The following LDLRAP1 variants were observed in gnomAD, a reference collection of about 807,000 sequenced individuals.
LDLRAP1 encodes the protein low density lipoprotein receptor adapter protein 1.
LDLRAP1 carries 30 observed loss-of-function variants against 37.8 expected under a neutral mutation model. That is an observed-to-expected ratio of 0.79 (90% CI 0.59 to 1.08). The LOEUF is 1.08. LDLRAP1 is among the 50% of genes least tolerant of loss of function. The pLI, the probability that LDLRAP1 is intolerant of heterozygous loss-of-function variation, is 0.00. For missense variants in LDLRAP1, 375 were observed against 401.6 expected, an observed-to-expected ratio of 0.93 and a Z score of 0.57; for synonymous variants, 156 against 169.8, an observed-to-expected ratio of 0.92 and a Z score of 0.63.
At chr1:25,559,663 G>T (rs1192612059) in intron 4 of LDLRAP1, among the ~76,000 whole-genome samples, 1 of 152,216 alleles carries the variant, frequency 6.6e-6, no homozygotes, top group East Asian at 1.9e-4. Context: ...GCGCAGCCCA[G>T]CATGGTGTAA....
chr1:25,560,100 C>A lies in LDLRAP1; in HGVS notation c.460-2544C>A, dbSNP rs188803452. ...GGGGTGGTGGGTGGGGAGTGCACAC[C>A]AGCATGGGATTAACACACGTGCAAA... On this transcript the variant is annotated intron_variant, in intron 4 of 8. Transcript: ENST00000374338. Among the ~76,000 whole-genome samples, 919 of 152,198 alleles carry A rather than the reference C, an allele frequency of 6.0e-3. 10 individuals are homozygous for A. Among genetic ancestry groups the A allele is most frequent in the Non-Finnish European group, 8.8e-3 (599 of 67,988 alleles).
chr1:25,563,152 C>T lies in LDLRAP1; in HGVS notation c.615C>T (p.Ser205=). The T allele has an allele frequency of 6.2e-7, 1 of 1,613,670 alleles. No individual in the cohort carries two copies. The highest frequency in any genetic ancestry group is 8.5e-7 in the Non-Finnish European group (1 of 1,179,604). ...AAGACTGCACCCCCTCCTTGAAGAG[C>T]TGTGAGTCCTGACGGGGAAGGGGGA... ...ARQDCTPSLK[S]LVATGNLLDL... The change falls in exon 6 of 9, where the codon AGC becomes AGT. Residue 205 remains serine, a splice_region_variant and synonymous_variant. Transcript: ENST00000374338.
chr1:25,580,755 T>G, the LDLRAP1 span, among the ~76,000 whole-genome samples: 3 of 152,180 alleles, frequency 2.0e-5, no homozygotes, highest in East Asian at 5.8e-4. Context: ...CAAGCAGTCC[T>G]CCTGCCTTGG....
At chr1:25,560,917 C>T (rs2044327886) in intron 4 of LDLRAP1, among the ~76,000 whole-genome samples, 1 of 152,274 alleles carries the variant, frequency 6.6e-6, no homozygotes, top group Non-Finnish European at 1.5e-5. Flanking sequence ...GCCCACCCCA[C>T]TCCCAGTCCC....
intron 1 of LDLRAP1, among the ~76,000 whole-genome samples, chr1:25,548,142 T>C (rs548423194): frequency 1.3e-5 from 2 of 152,266 alleles, no homozygotes; most frequent in South Asian, 4.2e-4. Context: ...ATCTGTGAAA[T>C]GGGAACACTG....
chr1:25,586,249 C>T, the LDLRAP1 span, among the ~76,000 whole-genome samples: 6 of 152,094 alleles, frequency 3.9e-5, no homozygotes, highest in Middle Eastern at 3.4e-3. This position sits in a 1 kb window ranked among gnomAD's most constrained non-coding sequence, Gnocchi z 4.3. Context: ...AGAGAAAGCG[C>T]GACCAAGAAC....
At chr1:25,561,916 G>A (rs1009216704) in intron 4 of LDLRAP1, among the ~76,000 whole-genome samples, 1 of 152,106 alleles carries the variant, frequency 6.6e-6, no homozygotes, top group African/African-American at 2.4e-5. Flanking sequence ...AGGTGGGTGG[G>A]GCTCGAGGAG....
intron 1 of LDLRAP1, 55 bp from the exon 2 acceptor site, chr1:25,553,867 G>A: frequency 6.2e-7 from 1 of 1,603,826 alleles, no homozygotes; most frequent in South Asian, 1.1e-5. Flanking sequence ...GAGAGCTGTT[G>A]CTGGTGGTGG....
intron 1 of LDLRAP1, among the ~76,000 whole-genome samples, chr1:25,546,519 G>A (rs2043937516): frequency 6.6e-6 from 1 of 152,176 alleles, no homozygotes; most frequent in Admixed American, 6.5e-5. Flanking sequence ...CCCCTGGGGA[G>A]ACATCAATAT....
chr1:25,548,335 CTTTTTTTTTTTTTT>C (rs144789866), intron 1 of LDLRAP1, among the ~76,000 whole-genome samples: 49 of 82,316 alleles, frequency 6.0e-4, no homozygotes, highest in Non-Finnish European at 9.1e-4. Flanking sequence ...GATGGATACT[CTTTTTTTTTTTTTT>C]TTTTTTTTTT....
At chr1:25,580,561 G>C in the LDLRAP1 span, among the ~76,000 whole-genome samples, 11,325 of 152,242 alleles carry the variant, frequency 0.074, 588 homozygotes, top group Non-Finnish European at 0.12. Context: ...AGGCTGAAGT[G>C]CGGTGGCACA....
chr1:25,574,014 G>C, the LDLRAP1 span, among the ~76,000 whole-genome samples: 40 of 152,252 alleles, frequency 2.6e-4, no homozygotes, highest in Non-Finnish European at 4.3e-4. Context: ...AAAGGAAAAA[G>C]GGCGGTGGGG....
At position 25,557,143 on chromosome 1, in the gene LDLRAP1, T is replaced by C. The variant is rs2044220891; in HGVS notation, c.345-10T>C. The C allele has an allele frequency of 6.2e-7, 1 of 1,608,254 alleles. No homozygotes were observed. Among genetic ancestry groups the C allele is most frequent in the African/African-American group, 1.3e-5 (1 of 74,836 alleles). The stretch of plus-strand genomic sequence containing the variant: ...GCCAGGTCTGGTGATGCTTCCTCCT[T>C]GCCTTTCAGGATCTCCTATTGCACA... On this transcript the variant is annotated splice_polypyrimidine_tract_variant and intron_variant, in intron 3 of 8. Transcript: ENST00000374338.
Position 25,555,063 on chromosome 1 carries a change from C to T in LDLRAP1, c.344+91C>T. ...TGAATCCAGGCTCTACCACTTCCTACCTGGGTGACATTGGAGCCTCAGTTT... is the reference window on the plus strand; with the variant it reads ...TGAATCCAGGCTCTACCACTTCCTATCTGGGTGACATTGGAGCCTCAGTTT... On this transcript the variant is annotated intron_variant, in intron 3 of 8. Coordinates refer to ENST00000374338, the MANE Select transcript of LDLRAP1 (RefSeq NM_015627.3). The surrounding 1 kb of genome is among the most constrained non-coding windows in gnomAD (Gnocchi z 4.7). 1 of 922,168 alleles carries T rather than the reference C, an allele frequency of 1.1e-6. No individual in the cohort carries two copies. Among genetic ancestry groups the T allele is most frequent in the Non-Finnish European group, 1.8e-6 (1 of 564,880 alleles). 57.1% of individuals were successfully genotyped at this position (922,168 alleles called of 1,614,324 possible).
intron 8 of LDLRAP1, among the ~76,000 whole-genome samples, chr1:25,566,157 C>T (rs1402088351): frequency 2.0e-5 from 3 of 152,166 alleles, no homozygotes; most frequent in Non-Finnish European, 4.4e-5. Flanking sequence ...ATCAGCAAAG[C>T]ATTAAACAGA....
At chr1:25,562,546 G>C in intron 4 of LDLRAP1, 98 bp from the exon 5 acceptor site, 1 of 988,244 alleles carries the variant, frequency 1.0e-6, no homozygotes, top group Non-Finnish European at 1.6e-6. Flanking sequence ...CAGGGAGGGA[G>C]CCAGGGGGCC....
chr1:25,543,694 G>A lies in LDLRAP1; in HGVS notation c.-5G>A, dbSNP rs1356169077. On this transcript the variant is annotated 5_prime_UTR_variant, in exon 1 of 9. Transcript: ENST00000374338. The stretch of plus-strand genomic sequence containing the variant: ...CGGCAGCGGCGGCGGCGGCCGGAGC[G>A]GGCCATGGACGCGCTCAAGTCGGCG... 1.6e-6 allele frequency: 2 copies of A among 1,214,328 alleles called. No individual in the cohort carries two copies. Among genetic ancestry groups the A allele is most frequent in the African/African-American group, 3.1e-5 (2 of 63,526 alleles). 75.2% of individuals were successfully genotyped at this position (1,214,328 alleles called of 1,614,324 possible). A position where few individuals can be genotyped will look rare whatever the true frequency, so the allele number is the denominator to read the frequency against.
chr1:25,573,850 TTGAG>T (rs1461364624), downstream of LDLRAP1, among the ~76,000 whole-genome samples: 1 of 152,196 alleles, frequency 6.6e-6, no homozygotes, highest in Admixed American at 6.5e-5. Flanking sequence ...TGCCCAGTGA[TTGAG>T]TGCCCACCAC....
the LDLRAP1 span, among the ~76,000 whole-genome samples, chr1:25,576,111 A>G: frequency 2.6e-5 from 4 of 152,048 alleles, no homozygotes; most frequent in Non-Finnish European, 5.9e-5. Flanking sequence ...ATGTGCCTGT[A>G]ATCCCAGCTA....
Sources: allele counts gnomAD v4.1 joint callset (sites outside exome capture counted in the v4.1 genomes callset), GRCh38; gene constraint gnomAD v4.1.1; non-coding constraint Gnocchi (gnomAD v3.1); transcripts MANE v1.5; gene names NCBI Gene and HGNC (gene_info 2026-07-23, HGNC 2026-07-21).